Variants in ME1 observed in about 807,000 individuals in gnomAD.
ME1 encodes the protein malic enzyme 1.
ME1 carries 74 observed loss-of-function variants against 66.4 expected under a neutral mutation model. The observed-to-expected ratio is 1.11, with a 90% confidence interval of 0.92 to 1.35. ME1 has a LOEUF of 1.35. ME1 is among the 40% of genes most tolerant of loss of function. The pLI, the probability that ME1 is intolerant of heterozygous loss-of-function variation, is 0.00. For missense variants in ME1, 750 were observed against 694.1 expected (o/e 1.08, Z -0.90); for synonymous variants, 251 against 235.6 (o/e 1.07, Z -0.60).
At chr6:83,314,712 G>T (rs555492587) in intron 6 of ME1, among the ~76,000 whole-genome samples, 1 of 151,974 alleles carries the variant, frequency 6.6e-6, no homozygotes, top group South Asian at 2.1e-4. Flanking sequence ...AACACTAATG[G>T]TCTCAGGTGA....
chr6:83,264,395 A>G (rs986178553), intron 6 of ME1, among the ~76,000 whole-genome samples: 1 of 152,182 alleles, frequency 6.6e-6, no homozygotes, highest in Admixed American at 6.6e-5. Context: ...CAGCCCATAC[A>G]TAGAGAGGCA....
chr6:83,251,469 G>A (rs552817916), intron 7 of ME1, among the ~76,000 whole-genome samples: 13 of 151,326 alleles, frequency 8.6e-5, no homozygotes, highest in East Asian at 7.8e-4. Context: ...ACTCCAGCCC[G>A]GGCAATAGAG....
At chr6:83,242,798 G>A (rs1790533058) in intron 7 of ME1, among the ~76,000 whole-genome samples, 1 of 152,082 alleles carries the variant, frequency 6.6e-6, no homozygotes, top group Admixed American at 6.6e-5. Context: ...TGAGCAAATG[G>A]CAACTGACTT....
At chr6:83,382,876 C>T (rs1769433837) in intron 3 of ME1, among the ~76,000 whole-genome samples, 1 of 150,684 alleles carries the variant, frequency 6.6e-6, no homozygotes, top group Non-Finnish European at 1.5e-5. Flanking sequence ...TTTGGTCAAA[C>T]ATTCTAAATG....
intron 7 of ME1, among the ~76,000 whole-genome samples, chr6:83,252,276 T>C (rs1204611504): frequency 2.1e-5 from 3 of 144,376 alleles, no homozygotes; most frequent in Admixed American, 7.1e-5. Flanking sequence ...GTTGTTGTTG[T>C]TGCTGTTGTT....
In ME1 at chr6:83,346,261, AC is replaced by A; in HGVS notation, c.511del (p.Val171TrpfsTer13). 6.2e-7 allele frequency: 1 copy of A among 1,613,594 alleles called. No homozygotes were observed. The highest frequency in any genetic ancestry group is 8.5e-7 in the Non-Finnish European group (1 of 1,179,634). On this transcript the variant is annotated frameshift_variant, in exon 5 of 14. Coordinates refer to ENST00000369705, the MANE Select transcript of ME1 (RefSeq NM_002395.6). LOFTEE classifies it high-confidence loss of function. ...DLGCNGMGIP[V>X]GKLALYTACG... ...AGCTGTATATAGAGCCAATTTACCC[AC>A]AGGGATGCCCATTCCATTACAGCCA...
chr6:83,274,754 C>T (rs1367794640), intron 6 of ME1, among the ~76,000 whole-genome samples: 5 of 152,170 alleles, frequency 3.3e-5, no homozygotes, highest in Non-Finnish European at 7.3e-5. Context: ...ACCAGATGTG[C>T]TTGCTGCTAT....
chr6:83,371,390 A>G (rs1769190644), intron 3 of ME1, among the ~76,000 whole-genome samples: 1 of 152,200 alleles, frequency 6.6e-6, no homozygotes, highest in Non-Finnish European at 1.5e-5. Flanking sequence ...TATTCAATCA[A>G]TCAGTCTCAT....
chr6:83,313,626 T>A (rs1231389982), intron 6 of ME1, among the ~76,000 whole-genome samples: 1 of 152,180 alleles, frequency 6.6e-6, no homozygotes, highest in Non-Finnish European at 1.5e-5. Flanking sequence ...TATATAGCCT[T>A]ACGGTATTAT....
chr6:83,240,348 T>C (rs945940824), intron 7 of ME1, among the ~76,000 whole-genome samples: 8 of 152,114 alleles, frequency 5.3e-5, no homozygotes, highest in African/African-American at 1.9e-4. Context: ...ACTTTTTACC[T>C]ATGAAAATCA....
At chr6:83,229,214 T>C in intron 9 of ME1, 1 of 486,334 alleles carries the variant, frequency 2.1e-6, no homozygotes, top group Non-Finnish European at 3.9e-6. Flanking sequence ...ATGTGAGAAC[T>C]AGCATTAACA....
intron 6 of ME1, among the ~76,000 whole-genome samples, chr6:83,297,762 C>G (rs1767626614): frequency 6.6e-6 from 1 of 152,204 alleles, no homozygotes; most frequent in South Asian, 2.1e-4. Flanking sequence ...CCGACAGGCC[C>G]CAGTGTGTGT....
chr6:83,332,946 AGTACTTCTGT>A (rs1303879993), intron 5 of ME1, among the ~76,000 whole-genome samples: 3 of 152,192 alleles, frequency 2.0e-5, no homozygotes, highest in African/African-American at 7.2e-5. Context: ...TTTTTAGCCA[AGTACTTCTGT>A]GTACTTCTGT....
At chr6:83,357,826 C>G (rs1177974734) in intron 3 of ME1, among the ~76,000 whole-genome samples, 1 of 150,468 alleles carries the variant, frequency 6.6e-6, no homozygotes, top group Non-Finnish European at 1.5e-5. Context: ...CTCGGACTGG[C>G]TCTCCTTGCT....
chr6:83,417,979 C>T (rs944308678), intron 1 of ME1, among the ~76,000 whole-genome samples: 7 of 152,100 alleles, frequency 4.6e-5, no homozygotes, highest in African/African-American at 1.7e-4. Context: ...AACTTTTGTG[C>T]CTTTGGCACA....
intron 6 of ME1, among the ~76,000 whole-genome samples, chr6:83,286,595 A>G (rs1482534795): frequency 1.3e-5 from 2 of 152,186 alleles, no homozygotes; most frequent in Admixed American, 1.3e-4. Context: ...TATCTAAATT[A>G]GAAGAAAATA....
chr6:83,275,175 A>T (rs1389088691), intron 6 of ME1, among the ~76,000 whole-genome samples: 2 of 151,898 alleles, frequency 1.3e-5, no homozygotes, highest in African/African-American at 4.8e-5. Context: ...CTCTACTAAA[A>T]ATACAAAAAT....
At chr6:83,412,025 G>T (rs1770057437) in intron 1 of ME1, among the ~76,000 whole-genome samples, 1 of 152,096 alleles carries the variant, frequency 6.6e-6, no homozygotes, top group African/African-American at 2.4e-5. Context: ...GAAATGAAAA[G>T]AAAATTCCTG....
At chr6:83,393,261 A>C in intron 3 of ME1, 1 of 1,169,754 alleles carries the variant, frequency 8.5e-7, no homozygotes, top group Non-Finnish European at 1.3e-6. Flanking sequence ...CTCCAACTTC[A>C]ACAGACACCC....
Sources: gnomAD v4.1 joint callset for allele counts (sites outside exome capture counted in the v4.1 genomes callset) on GRCh38, gnomAD v4.1.1 for gene constraint, MANE v1.5 for transcripts, NCBI Gene and HGNC (gene_info 2026-07-23, HGNC 2026-07-21) for gene names.